The following PPARA variants were observed in gnomAD, a reference collection of about 807,000 sequenced individuals.
PPARA encodes peroxisome proliferator-activated receptor alpha.
PPARA carries 22 observed loss-of-function variants against 42.2 expected under a neutral mutation model. The observed-to-expected ratio is 0.52, with a 90% CI of 0.37 to 0.74. The LOEUF (loss-of-function observed/expected upper bound fraction) is 0.74. Ranked by LOEUF, PPARA falls within the 30% of genes least tolerant of loss-of-function variation. The pLI is 0.00. For synonymous variants in PPARA, 242 were observed against 239.3 expected (o/e 1.01, Z -0.10); for missense variants, 465 against 608.2 (o/e 0.76, Z 2.48).
At chr22:46,199,254 T>C (rs1174486620) in intron 4 of PPARA, among the ~76,000 whole-genome samples, 1 of 152,048 alleles carries the variant, frequency 6.6e-6, no homozygotes, top group Non-Finnish European at 1.5e-5. Flanking sequence ...GAGGGAAGGA[T>C]GGGAAACAAG....
chr22:46,218,316 C>T lies in PPARA; in HGVS notation c.423C>T (p.Arg141=), dbSNP rs200450634. 30 of 1,613,962 alleles carry T rather than the reference C, an allele frequency of 1.9e-5. No homozygotes were observed. Among genetic ancestry groups the T allele is most frequent in the Non-Finnish European group, 2.2e-5 (26 of 1,180,032 alleles). ...AGCTGGTGTATGACAAGTGCGACCG[C>T]AGCTGCAAGATCCAGAAAAAGAACA... ...RLKLVYDKCD[R]SCKIQKKNRN... Residue 141 remains arginine, a synonymous_variant, in exon 6 of 9, where the codon CGC becomes CGT. Transcript: ENST00000407236.
At chr22:46,206,177 C>T (rs1221490305) in intron 4 of PPARA, among the ~76,000 whole-genome samples, 1 of 152,200 alleles carries the variant, frequency 6.6e-6, no homozygotes, top group African/African-American at 2.4e-5. Context: ...TCTCGGCTCA[C>T]TGCAACCTCT....
At chr22:46,174,460 A>C (rs1337288649) in intron 2 of PPARA, among the ~76,000 whole-genome samples, 1 of 152,120 alleles carries the variant, frequency 6.6e-6, no homozygotes, top group Admixed American at 6.5e-5. Context: ...AGCTATGTTT[A>C]CCATGTCTGG....
At chr22:46,220,198 C>T (rs190834321) in intron 7 of PPARA, 184 bp downstream of exon 7, 1 of 755,188 alleles carries the variant, frequency 1.3e-6, no homozygotes, top group African/African-American at 1.7e-5. Context: ...CAACTCCTTT[C>T]TTCTTGCTTG....
Position 46,230,911 on chromosome 22 carries a change from A to G in PPARA, c.712-881A>G, listed in dbSNP as rs1428710764. Among the ~76,000 whole-genome samples the G allele has an allele frequency of 6.6e-6, 1 of 152,266 alleles. No homozygotes were observed. Among genetic ancestry groups the G allele is most frequent in the East Asian group, 1.9e-4 (1 of 5,206 alleles). The stretch of plus-strand genomic sequence containing the variant: ...TGGTGTTCACCCCTAAAGTGCATAT[A>G]CTGGTAAAATTAAGAATGATCGTAA... On this transcript the variant is annotated intron_variant, in intron 7 of 8. Coordinates refer to ENST00000407236, the MANE Select transcript of PPARA (RefSeq NM_005036.6). This position sits in a 1 kb window ranked among gnomAD's most constrained non-coding sequence, Gnocchi z 5.0.
intron 2 of PPARA, among the ~76,000 whole-genome samples, chr22:46,157,792 A>G (rs1925545032): frequency 1.3e-5 from 2 of 152,298 alleles, no homozygotes; most frequent in African/African-American, 2.4e-5. Context: ...GAGAAATTGG[A>G]GAAAACTCAG....
At chr22:46,228,464 A>G (rs1381088369) in intron 7 of PPARA, among the ~76,000 whole-genome samples, 1 of 152,126 alleles carries the variant, frequency 6.6e-6, no homozygotes, top group Non-Finnish European at 1.5e-5. Flanking sequence ...CAAACCTGGG[A>G]GGTGGAGGTT....
Position 46,163,780 on chromosome 22 carries a change from G to C in PPARA, c.-127+11810G>C, listed in dbSNP as rs1926589230. The C allele has an allele frequency of 6.6e-6, 1 of 152,222 alleles. No homozygotes were observed. Among genetic ancestry groups the C allele is most frequent in the Non-Finnish European group, 1.5e-5 (1 of 68,058 alleles). 9.4% of individuals were successfully genotyped at this position (152,222 alleles called of 1,614,324 possible). ...CAGGGCTGGCTCCCTGATGTCCTTGGAGAAGTCGCCCACACTGCTTTCCCC... is the reference window on the plus strand; with the variant it reads ...CAGGGCTGGCTCCCTGATGTCCTTGCAGAAGTCGCCCACACTGCTTTCCCC... On this transcript the variant is annotated intron_variant, in intron 2 of 8. Coordinates refer to ENST00000407236, the MANE Select transcript of PPARA (RefSeq NM_005036.6). This position sits in a 1 kb window ranked among gnomAD's most constrained non-coding sequence, Gnocchi z 4.9.
intron 2 of PPARA, among the ~76,000 whole-genome samples, chr22:46,157,358 G>A (rs1009248131): frequency 1.3e-5 from 2 of 152,174 alleles, no homozygotes; most frequent in East Asian, 1.9e-4. Flanking sequence ...CGGCACCTAC[G>A]GATGATGGCC....
Position 46,173,430 on chromosome 22 carries a change from G to C in PPARA, c.-126-3323G>C, listed in dbSNP as rs1348305288. Among the ~76,000 whole-genome samples, 1 of 152,206 alleles carries C rather than the reference G, an allele frequency of 6.6e-6. No individual in the cohort carries two copies. The highest frequency in any genetic ancestry group is 2.1e-4 in the South Asian group (1 of 4,838). ...GGATGGGACATGGGATATACCTCGA[G>C]TTAGAGGTTCTTATTAACTGTGGAT... On this transcript the variant is annotated intron_variant, in intron 2 of 8. Transcript: ENST00000407236. The surrounding 1 kb of genome is among the most constrained non-coding windows in gnomAD (Gnocchi z 4.3).
chr22:46,172,333 A>AC (rs1288915256), intron 2 of PPARA, among the ~76,000 whole-genome samples: 1 of 151,744 alleles, frequency 6.6e-6, no homozygotes, highest in African/African-American at 2.4e-5. Flanking sequence ...AAAAAAAAAA[A>AC]AAAAAAACAG....
chr22:46,218,769 G>C (rs1333676810), intron 6 of PPARA, among the ~76,000 whole-genome samples: 1 of 151,578 alleles, frequency 6.6e-6, no homozygotes, highest in East Asian at 1.9e-4. Context: ...GGGAGGCGGA[G>C]GTTGCAGTGA....
intron 4 of PPARA, among the ~76,000 whole-genome samples, chr22:46,198,925 C>T (rs527437898): frequency 5.9e-5 from 9 of 152,274 alleles, no homozygotes; most frequent in African/African-American, 2.2e-4. Context: ...TCCTAAAGTG[C>T]TGGGATTATA....
chr22:46,159,546 C>T (rs374702430), intron 2 of PPARA, among the ~76,000 whole-genome samples: 4 of 152,146 alleles, frequency 2.6e-5, no homozygotes, highest in East Asian at 1.9e-4. Context: ...AAGTTTAGAA[C>T]GCGATTTTCA....
intron 3 of PPARA, among the ~76,000 whole-genome samples, chr22:46,197,964 G>T (rs955222829): frequency 2.6e-5 from 4 of 151,652 alleles, no homozygotes; most frequent in African/African-American, 9.7e-5. Context: ...GGACGCAGTG[G>T]CTCACTCCTG....
intron 4 of PPARA, among the ~76,000 whole-genome samples, chr22:46,208,162 T>C (rs1730040439): frequency 6.6e-6 from 1 of 152,202 alleles, no homozygotes; most frequent in Non-Finnish European, 1.5e-5. Flanking sequence ...GGGCACAATG[T>C]GATGTTTTGG....
At chr22:46,170,479 A>C (rs576075730) in intron 2 of PPARA, among the ~76,000 whole-genome samples, 3 of 134,316 alleles carry the variant, frequency 2.2e-5, no homozygotes, top group African/African-American at 8.7e-5. Flanking sequence ...AAACTCCTGG[A>C]CTCAAGGGAT....
chr22:46,225,881 G>A lies in PPARA; in HGVS notation c.711+5867G>A, dbSNP rs552784281. Among the ~76,000 whole-genome samples the A allele has an allele frequency of 7.5e-5, 11 of 145,916 alleles. No individual in the cohort carries two copies. The South Asian group carries it at 1.3e-3, about 18-fold the overall frequency. On this transcript the variant is annotated intron_variant, in intron 7 of 8. Transcript: ENST00000407236. The surrounding 1 kb of genome is among the most constrained non-coding windows in gnomAD (Gnocchi z 4.1). ...CACATGCACCCACACATGGATACACGCACACTCACACATGTACCCACACCT... is the reference window on the plus strand; with the variant it reads ...CACATGCACCCACACATGGATACACACACACTCACACATGTACCCACACCT...
chr22:46,165,846 C>A lies in PPARA; in HGVS notation c.-126-10907C>A, dbSNP rs776839724. Reference sequence around the variant, plus strand: ...ATTTTTCAAATGCAGGCTTTCCTCCCTTTGCACAGTTCCCTTATGCATAAA... The same window carrying A: ...ATTTTTCAAATGCAGGCTTTCCTCCATTTGCACAGTTCCCTTATGCATAAA... On this transcript the variant is annotated intron_variant, in intron 2 of 8. Transcript: ENST00000407236. This position sits in a 1 kb window ranked among gnomAD's most constrained non-coding sequence, Gnocchi z 5.5. Among the ~76,000 whole-genome samples, 15 of 152,180 alleles carry A rather than the reference C, an allele frequency of 9.9e-5. No individual in the cohort carries two copies. The highest frequency in any genetic ancestry group is 2.1e-4 in the Non-Finnish European group (14 of 68,040).
Sources: gnomAD v4.1 joint callset for allele counts (sites outside exome capture counted in the v4.1 genomes callset) on GRCh38, gnomAD v4.1.1 for gene constraint, Gnocchi (gnomAD v3.1) non-coding constraint, MANE v1.5 for transcripts, NCBI Gene and HGNC (gene_info 2026-07-23, HGNC 2026-07-21) for gene names.